TRAK1: variants seen among roughly 807,000 people sequenced by gnomAD.
TRAK1 encodes trafficking kinesin-binding protein 1.
Under a neutral mutation model 92.1 loss-of-function variants are expected in TRAK1, and 33 were observed. The ratio of observed to expected loss-of-function variants is 0.36; its 90% CI spans 0.27 to 0.48. The LOEUF is 0.48. TRAK1 is among the 20% of genes least tolerant of loss of function. TRAK1 has a pLI of 0.99. For missense variants in TRAK1, 1,123 were observed against 1,257.9 expected, an observed-to-expected ratio of 0.89 and a Z score of 1.62; for synonymous variants, 521 against 517.3, an observed-to-expected ratio of 1.01 and a Z score of -0.10.
chr3:42,099,058 G>C (rs879942462), intron 1 of TRAK1, among the ~76,000 whole-genome samples: 2 of 152,008 alleles, frequency 1.3e-5, no homozygotes, highest in African/African-American at 2.4e-5. Context: ...AGTCAGGGAG[G>C]GGGTATCTAA....
intron 15 of TRAK1, among the ~76,000 whole-genome samples, chr3:42,221,589 C>G (rs1053239124): frequency 3.9e-5 from 6 of 152,182 alleles, no homozygotes; most frequent in African/African-American, 1.4e-4. Context: ...AGTACATGGA[C>G]TTCCTTCTGC....
At chr3:42,204,060 T>A in intron 13 of TRAK1, 1 of 985,106 alleles carries the variant, frequency 1.0e-6, no homozygotes. Context: ...ATAATTGGGG[T>A]CTTTCTTAGA....
intron 2 of TRAK1, among the ~76,000 whole-genome samples, chr3:42,147,484 A>G (rs1187756720): frequency 2.0e-5 from 3 of 152,170 alleles, no homozygotes; most frequent in African/African-American, 7.2e-5. Context: ...ACTTTTCTGG[A>G]ATCCTATTAA....
chr3:42,222,899 T>G (rs749899933), intron 15 of TRAK1, 43 bp from the exon 16 acceptor site: 1 of 1,580,194 alleles, frequency 6.3e-7, no homozygotes, highest in South Asian at 1.2e-5. Context: ...TCTCTGGAGC[T>G]CATGGGCATT....
chr3:42,210,109 A>AGGAGGG (rs1708831063), intron 14 of TRAK1, 124 bp downstream of exon 14: 1 of 1,611,794 alleles, frequency 6.2e-7, no homozygotes, highest in Non-Finnish European at 8.5e-7. Flanking sequence ...GAGGAGGAGG[A>AGGAGGG]GGAGGAGGGG....
At chr3:42,177,326 T>G (rs938324124) in intron 3 of TRAK1, among the ~76,000 whole-genome samples, 26 of 152,208 alleles carry the variant, frequency 1.7e-4, no homozygotes, top group African/African-American at 6.3e-4. Flanking sequence ...CAAGAAAAAT[T>G]TAAGAAAGTT....
At chr3:42,179,645 G>A (rs1338357299) in intron 3 of TRAK1, among the ~76,000 whole-genome samples, 1 of 152,206 alleles carries the variant, frequency 6.6e-6, no homozygotes, top group Non-Finnish European at 1.5e-5. Context: ...GGGTGTGTCA[G>A]TCAGTGCAAG....
intron 1 of TRAK1, among the ~76,000 whole-genome samples, chr3:42,118,177 G>A (rs1021244401): frequency 1.3e-5 from 2 of 151,768 alleles, no homozygotes; most frequent in Non-Finnish European, 2.9e-5. Context: ...TCCACCTCCC[G>A]GGTTCAAGCA....
chr3:42,143,308 C>CTTTTTTT (rs369435084), intron 2 of TRAK1, among the ~76,000 whole-genome samples: 2 of 139,258 alleles, frequency 1.4e-5, no homozygotes, highest in Admixed American at 7.1e-5. Context: ...TGTACCTCTT[C>CTTTTTTT]TTTTTTTTTT....
intron 14 of TRAK1, among the ~76,000 whole-genome samples, chr3:42,213,877 T>C (rs1411796808): frequency 6.6e-6 from 1 of 152,142 alleles, no homozygotes; most frequent in East Asian, 1.9e-4. Context: ...ATGGCAGTTA[T>C]GAGGGAGTTT....
At chr3:42,138,377 C>T (rs1698217203) in intron 2 of TRAK1, among the ~76,000 whole-genome samples, 3 of 152,200 alleles carry the variant, frequency 2.0e-5, no homozygotes, top group South Asian at 4.1e-4. Flanking sequence ...CTTCCCAGGG[C>T]GTTGTATTGA....
At chr3:42,051,711 A>T (rs931212081) in intron 1 of TRAK1, 3 of 152,246 alleles carry the variant, frequency 2.0e-5, no homozygotes, top group Non-Finnish European at 4.4e-5. Context: ...AAAGGCTCAG[A>T]GGAGATGGCT....
chr3:42,160,261 C>T, intron 2 of TRAK1: 1 of 1,547,188 alleles, frequency 6.5e-7, no homozygotes, highest in Non-Finnish European at 8.7e-7. Context: ...AGTGTGTGCC[C>T]TGGGGGCCCA....
At chr3:42,117,349 GGGCCTCTC>G (rs61199298) in intron 1 of TRAK1, among the ~76,000 whole-genome samples, 19,800 of 151,896 alleles carry the variant, frequency 0.13, 1,595 homozygotes, top group African/African-American at 0.23. Context: ...CCGGCACCCA[GGGCCTCTC>G]GGCTTCCAGC....
chr3:42,113,282 TA>T (rs556922818), intron 1 of TRAK1, among the ~76,000 whole-genome samples: 2 of 152,076 alleles, frequency 1.3e-5, no homozygotes, highest in Admixed American at 6.6e-5. Context: ...ATTTAACCAT[TA>T]AAAAAATTAA....
chr3:42,223,627 C>T lies in TRAK1; in HGVS notation c.2752C>T (p.Arg918Cys), dbSNP rs745644725. 1.1e-5 allele frequency: 18 copies of T among 1,613,854 alleles called. No individual in the cohort carries two copies. The African/African-American group carries it at 1.3e-4, about 12-fold the overall frequency. ...LQLNSGIRRN[R>C]SFPTMVGSSM... The stretch of plus-strand genomic sequence containing the variant: ...GCTCAATAGTGGCATCCGGCGGAAT[C>T]GCAGCTTCCCCACCATGGTGGGATC... Residue 918 changes from arginine to cysteine, a missense_variant, in exon 16 of 16, where the codon CGC becomes TGC. Around this residue, in one of 3 missense-constraint regions of TRAK1, gnomAD observed 401 missense variants for 438.9 expected, o/e 0.91. Transcript: ENST00000327628. This position sits in a 1 kb window ranked among gnomAD's most constrained non-coding sequence, Gnocchi z 6.1.
chr3:42,133,210 G>A (rs1017735186), intron 2 of TRAK1, among the ~76,000 whole-genome samples: 3 of 151,908 alleles, frequency 2.0e-5, no homozygotes, highest in Admixed American at 2.0e-4. Flanking sequence ...CGGGGTCTTC[G>A]GAGACTCTGT....
intron 1 of TRAK1, among the ~76,000 whole-genome samples, chr3:42,096,360 C>G (rs1308232337): frequency 3.3e-5 from 5 of 152,126 alleles, no homozygotes; most frequent in Non-Finnish European, 4.4e-5. Context: ...TCAAGTGATT[C>G]TCCTGCCTCA....
intron 1 of TRAK1, among the ~76,000 whole-genome samples, chr3:42,114,225 T>G (rs1708869592): frequency 6.6e-6 from 1 of 152,258 alleles, no homozygotes; most frequent in African/African-American, 2.4e-5. Flanking sequence ...TCCATTCATC[T>G]GCTGATGGGT....
Sources: allele counts gnomAD v4.1 joint callset (sites outside exome capture counted in the v4.1 genomes callset), GRCh38; gene constraint gnomAD v4.1.1; regional missense constraint gnomAD v4.1.1; non-coding constraint Gnocchi (gnomAD v3.1); transcripts MANE v1.5; gene names NCBI Gene and HGNC (gene_info 2026-07-23, HGNC 2026-07-21).